USP49: variants seen among roughly 807,000 people sequenced by gnomAD.
USP49 encodes ubiquitin specific peptidase 49, also known as ubiquitin carboxyl-terminal hydrolase 49.
Under a neutral mutation model 58.6 loss-of-function variants are expected in USP49, and 24 were observed. The observed-to-expected ratio is 0.41, with a 90% CI of 0.30 to 0.58. USP49 has a LOEUF of 0.58. USP49 is among the 20% of genes least tolerant of loss of function. The probability of loss-of-function intolerance (pLI) is 0.30; values close to 1 mark genes in which losing one functional copy is unlikely to be tolerated. For missense variants in USP49, 703 were observed against 866.1 expected (o/e 0.81, Z 2.36); for synonymous variants, 408 against 365.1 (o/e 1.12, Z -1.34).
chr6:41,809,813 C>T (rs921575488), intron 3 of USP49, among the ~76,000 whole-genome samples: 2 of 150,566 alleles, frequency 1.3e-5, no homozygotes, highest in African/African-American at 4.9e-5. Context: ...GGTGACAGAG[C>T]GAGACTCCGT....
chr6:41,800,239 G>A (rs1222520127), intron 5 of USP49, among the ~76,000 whole-genome samples: 1 of 152,118 alleles, frequency 6.6e-6, no homozygotes, highest in Non-Finnish European at 1.5e-5. Flanking sequence ...TGAAACTGCT[G>A]GAATTCCTCC....
At chr6:41,838,312 T>C (rs1199282783) in intron 3 of USP49, among the ~76,000 whole-genome samples, 1 of 152,148 alleles carries the variant, frequency 6.6e-6, no homozygotes, top group East Asian at 1.9e-4. Context: ...TAACCAGCAT[T>C]TGAGAGAGCC....
intron 3 of USP49, among the ~76,000 whole-genome samples, chr6:41,845,128 T>G (rs1773899941): frequency 6.6e-6 from 1 of 152,054 alleles, no homozygotes; most frequent in Non-Finnish European, 1.5e-5. Flanking sequence ...CTCGAACTCC[T>G]GACCTCAAAT....
intron 2 of USP49, among the ~76,000 whole-genome samples, chr6:41,873,707 C>CGT (rs1774454925): frequency 6.6e-6 from 1 of 152,186 alleles, no homozygotes; most frequent in Non-Finnish European, 1.5e-5. Context: ...ATCAGTCCTA[C>CGT]ACTAAGCAGC....
chr6:41,798,448 A>T, intron 7 of USP49: 1 of 736,854 alleles, frequency 1.4e-6, no homozygotes, highest in Non-Finnish European at 1.9e-6. Flanking sequence ...TAATTTTTGT[A>T]CTATTTTAGT....
chr6:41,888,883 A>C (rs1774763095), intron 2 of USP49, among the ~76,000 whole-genome samples: 1 of 152,342 alleles, frequency 6.6e-6, no homozygotes, highest in Middle Eastern at 3.4e-3. Context: ...AATGATGGGA[A>C]GGGAGTCAGT....
rs1235429166 is a variant in USP49 at position 41,795,670 on chromosome 6, C to T, written c.*863G>A. 6.6e-6 allele frequency: 1 copy of T among 152,214 alleles called. No homozygotes were observed. The highest frequency in any genetic ancestry group is 1.5e-5 in the Non-Finnish European group (1 of 68,040). 9.4% of individuals were successfully genotyped at this position (152,214 alleles called of 1,614,324 possible). A position where few individuals can be genotyped will look rare whatever the true frequency, so the allele number is the denominator to read the frequency against. ...AGCATCAGCTATCTCTGCCCACCCT[C>T]AATTGAGTTCTGAGAAAACCTAAGA... is the stretch of plus-strand genomic sequence containing the variant. On this transcript the variant is annotated 3_prime_UTR_variant, in exon 8 of 8. Transcript: ENST00000682992.
At chr6:41,880,825 G>A (rs576173462) in intron 2 of USP49, among the ~76,000 whole-genome samples, 5 of 152,224 alleles carry the variant, frequency 3.3e-5, no homozygotes, top group African/African-American at 7.2e-5. Flanking sequence ...GGGGTTCTCC[G>A]TAAGAAGGCA....
chr6:41,823,830 TG>T (rs900855668), intron 3 of USP49, among the ~76,000 whole-genome samples: 5 of 151,480 alleles, frequency 3.3e-5, no homozygotes, highest in Middle Eastern at 3.4e-3. Context: ...GTGGAGGTGG[TG>T]GGGGGGTCGG....
chr6:41,885,253 G>A (rs889975713), intron 2 of USP49, among the ~76,000 whole-genome samples: 2 of 152,070 alleles, frequency 1.3e-5, no homozygotes, highest in Non-Finnish European at 2.9e-5. Flanking sequence ...ACTGATTAAC[G>A]CATTCAGTGC....
chr6:41,883,601 C>CGA (rs1774653817), intron 2 of USP49, among the ~76,000 whole-genome samples: 1 of 150,630 alleles, frequency 6.6e-6, no homozygotes, highest in South Asian at 2.1e-4. Context: ...CCAGCCTGAG[C>CGA]GACAGAGCGA....
In USP49 at chr6:41,792,124, C is replaced by CTTAG. The variant is rs915528018; in HGVS notation, c.*4405_*4408dup. 2.6e-4 allele frequency: 39 copies of CTTAG among 152,274 alleles called. No homozygotes were observed. The highest frequency in any genetic ancestry group is 9.2e-4 in the African/African-American group (38 of 41,454). The allele number at this position is 152,274 out of a possible 1,614,324, so 9.4% of individuals were successfully genotyped here. A position where few individuals can be genotyped will look rare whatever the true frequency, so the allele number is the denominator to read the frequency against. ...CAGCCCTGCAGTGAAGAGACTGGGT[C>CTTAG]TTAGCACCTTCCACATTCACTCAGC... On this transcript the variant is annotated 3_prime_UTR_variant, in exon 8 of 8. Transcript: ENST00000682992.
At chr6:41,817,190 C>T (rs952238387) in intron 3 of USP49, among the ~76,000 whole-genome samples, 9 of 128,636 alleles carry the variant, frequency 7.0e-5, no homozygotes, top group African/African-American at 2.9e-4. Context: ...TGCTCTGTCG[C>T]CAGGCTGGAG....
Position 41,798,792 on chromosome 6 carries a change from A to G in USP49, c.1808T>C (p.Val603Ala), listed in dbSNP as rs780688778. The G allele has an allele frequency of 1.5e-5, 25 of 1,613,952 alleles. No individual in the cohort carries two copies. Among genetic ancestry groups the G allele is most frequent in the Non-Finnish European group, 1.9e-5 (22 of 1,180,026 alleles). The change falls in exon 7 of 8, where the codon GTG becomes GCG. Residue 603 changes from valine (V) to alanine (A), a missense_variant. Coordinates refer to ENST00000682992, the MANE Select transcript of USP49 (RefSeq NM_001286554.2). ...KETFAYDLSA[V>A]VMHHGKGFGS... ...AAACCCTTTCCCGTGATGCATGACCACTGCGGAGAGATCATAGGCAAAGGT... is the reference window on the plus strand; with the variant it reads ...AAACCCTTTCCCGTGATGCATGACCGCTGCGGAGAGATCATAGGCAAAGGT...
chr6:41,824,465 C>T (rs1170328444), intron 3 of USP49, among the ~76,000 whole-genome samples: 2 of 151,052 alleles, frequency 1.3e-5, no homozygotes, highest in East Asian at 1.9e-4. Flanking sequence ...AATCTCAGCA[C>T]TTTGGGAGGC....
chr6:41,806,494 G>C lies in USP49; in HGVS notation c.490C>G (p.Arg164Gly). Residue 164 changes from arginine (R) to glycine (G), a missense_variant, in exon 4 of 8, where the codon CGG (arginine) becomes GGG (glycine). Physicochemically the swap from Arg to Gly is moderately radical, Grantham distance 125. Coordinates refer to ENST00000682992, the MANE Select transcript of USP49 (RefSeq NM_001286554.2). The surrounding 1 kb of genome is among the most constrained non-coding windows in gnomAD (Gnocchi z 5.9). ...TLRLWFEKSSRGQAKLEQRRQ... is the reference protein window; with the variant it reads ...TLRLWFEKSSGGQAKLEQRRQ... Reference sequence around the variant, plus strand: ...CGCTGCTCCAGCTTCGCCTGGCCCCGGGAGCTCTTCTCGAACCACAGCCGC... The same window carrying C: ...CGCTGCTCCAGCTTCGCCTGGCCCCCGGAGCTCTTCTCGAACCACAGCCGC... 1 of 1,598,292 alleles carries C rather than the reference G, an allele frequency of 6.3e-7. No homozygotes were observed. Among genetic ancestry groups the C allele is most frequent in the South Asian group, 1.1e-5 (1 of 90,952 alleles).
chr6:41,835,752 A>C (rs1018632774), intron 3 of USP49, among the ~76,000 whole-genome samples: 1 of 151,172 alleles, frequency 6.6e-6, no homozygotes, highest in Non-Finnish European at 1.5e-5. Flanking sequence ...CCAAGCTAAC[A>C]AAAGGTAGGT....
chr6:41,844,471 G>A (rs922371662), intron 3 of USP49, among the ~76,000 whole-genome samples: 1 of 151,888 alleles, frequency 6.6e-6, no homozygotes, highest in African/African-American at 2.4e-5. Context: ...CCGCCACCAT[G>A]CTCGGCTAGT....
intron 3 of USP49, among the ~76,000 whole-genome samples, chr6:41,829,879 G>A (rs1450245624): frequency 1.3e-5 from 2 of 152,050 alleles, no homozygotes; most frequent in Non-Finnish European, 1.5e-5. Context: ...AATTTAATCA[G>A]ACTAAATATT....
Sources: gnomAD v4.1 joint callset for allele counts (sites outside exome capture counted in the v4.1 genomes callset) on GRCh38, gnomAD v4.1.1 for gene constraint, Gnocchi (gnomAD v3.1) non-coding constraint, MANE v1.5 for transcripts, NCBI Gene and HGNC (gene_info 2026-07-23, HGNC 2026-07-21) for gene names.